The following SCAF8 variants were observed in gnomAD, a reference collection of about 807,000 sequenced individuals.
The protein encoded by SCAF8 is SR-related and CTD-associated factor 8.
SCAF8 carries 23 observed loss-of-function variants against 140.5 expected under a neutral mutation model. The observed-to-expected ratio is 0.16, with a 90% CI of 0.12 to 0.23. The LOEUF is 0.23. Among genes scored for constraint, SCAF8 ranks in the 10% least tolerant of loss-of-function variants. SCAF8 has a pLI of 1.00. For synonymous variants in SCAF8, 575 were observed against 528.9 expected, an observed-to-expected ratio of 1.09 and a Z score of -1.20; for missense variants, 1,397 against 1,555.7, an observed-to-expected ratio of 0.90 and a Z score of 1.72.
intron 4 of SCAF8, among the ~76,000 whole-genome samples, chr6:154,788,738 G>A (rs993094757): frequency 6.6e-6 from 1 of 152,122 alleles, no homozygotes; most frequent in Non-Finnish European, 1.5e-5. Context: ...ACTAAGTCTG[G>A]TATGTGTAAG....
chr6:154,757,876 A>G (rs1185649489), intron 1 of SCAF8, among the ~76,000 whole-genome samples: 1 of 150,472 alleles, frequency 6.6e-6, no homozygotes, highest in African/African-American at 2.4e-5. Flanking sequence ...CGAGCAGTGG[A>G]CAGATTCCCT....
intron 1 of SCAF8, among the ~76,000 whole-genome samples, chr6:154,763,789 G>A (rs1162365256): frequency 6.6e-6 from 1 of 151,974 alleles, no homozygotes; most frequent in Admixed American, 6.6e-5. Context: ...GAATGTTGCC[G>A]AATCCAGGGG....
At chr6:154,776,348 A>G (rs986298309) in intron 2 of SCAF8, among the ~76,000 whole-genome samples, 4 of 151,954 alleles carry the variant, frequency 2.6e-5, no homozygotes, top group Non-Finnish European at 2.9e-5. Flanking sequence ...AATCAGATTT[A>G]AATGATACTG....
rs1777977084 is a variant in SCAF8, at chr6:154,808,155, T to C, written c.1067T>C (p.Leu356Pro). The C allele has an allele frequency of 6.2e-7, 1 of 1,614,014 alleles. No individual in the cohort carries two copies. The highest frequency in any genetic ancestry group is 2.2e-5 in the East Asian group (1 of 44,870). ...PSQGSSQQHF[L>P]EPEVNLDDSI... ...CAAGGGAGTAGTCAGCAGCATTTTC[T>C]TGAACCTGAAGTCAATTTGGATGAT... Residue 356 changes from leucine to proline, a missense_variant, in exon 10 of 20, where the codon CTT (leucine) becomes CCT (proline). Leu to Pro is a moderately conservative substitution (Grantham distance 98, BLOSUM62 -3). Transcript: ENST00000367178.
In SCAF8 at chr6:154,733,675, C is replaced by T. The variant is rs1183525530; in HGVS notation, c.-226C>T. 8.6e-7 allele frequency: 1 copy of T among 1,161,476 alleles called. No homozygotes were observed. Among genetic ancestry groups the T allele is most frequent in the East Asian group, 4.9e-5 (1 of 20,254 alleles). 71.9% of individuals were successfully genotyped at this position (1,161,476 alleles called of 1,614,324 possible). A position where few individuals can be genotyped will look rare whatever the true frequency, so the allele number is the denominator to read the frequency against. ...CCGGCAGCGCCTCTGTTCCCTAGAA[C>T]GGCGCTCCCCCCGCCCTAGCGGCCA... On this transcript the variant is annotated 5_prime_UTR_variant, in exon 1 of 20. In the 5' UTR this introduces an upstream ATG that the reference lacks. Coordinates refer to ENST00000367178, the MANE Select transcript of SCAF8 (RefSeq NM_014892.5).
chr6:154,760,771 C>T (rs1349865275), intron 1 of SCAF8, among the ~76,000 whole-genome samples: 2 of 151,820 alleles, frequency 1.3e-5, no homozygotes, highest in African/African-American at 4.8e-5. Flanking sequence ...CAAAAAAGTT[C>T]TAAGAATTTT....
At chr6:154,734,979 C>T (rs1367512029) in intron 1 of SCAF8, among the ~76,000 whole-genome samples, 1 of 152,006 alleles carries the variant, frequency 6.6e-6, no homozygotes, top group Non-Finnish European at 1.5e-5. Context: ...AAAAAATTAG[C>T]TGGGCGTAGT....
At chr6:154,734,051 C>T (rs550699995) in intron 1 of SCAF8, 121 bp downstream of exon 1, 30 of 1,357,012 alleles carry the variant, frequency 2.2e-5, no homozygotes, top group Admixed American at 3.6e-5. Context: ...GAGCGGTGGC[C>T]TAGCAGTGCC....
chr6:154,748,539 T>G (rs1030545127), intron 1 of SCAF8, among the ~76,000 whole-genome samples: 2 of 152,212 alleles, frequency 1.3e-5, no homozygotes, highest in African/African-American at 4.8e-5. Flanking sequence ...CTTTTTTTTT[T>G]GCTGAAATGA....
At chr6:154,788,515 C>T (rs1777320140) in intron 4 of SCAF8, among the ~76,000 whole-genome samples, 1 of 152,118 alleles carries the variant, frequency 6.6e-6, no homozygotes, top group Non-Finnish European at 1.5e-5. Flanking sequence ...TTGAATTTCT[C>T]AAACAGAGAG....
chr6:154,830,195 T>C (rs1442444925), intron 18 of SCAF8, among the ~76,000 whole-genome samples: 1 of 152,234 alleles, frequency 6.6e-6, no homozygotes, highest in African/African-American at 2.4e-5. Flanking sequence ...CACAGGTGTT[T>C]TTATTTTTGT....
At chr6:154,761,379 G>A (rs183351724) in intron 1 of SCAF8, among the ~76,000 whole-genome samples, 2 of 151,906 alleles carry the variant, frequency 1.3e-5, no homozygotes, top group East Asian at 1.9e-4. Flanking sequence ...CCAGCGGCTC[G>A]GGAGGCTGAG....
chr6:154,800,255 G>T (rs949711660), intron 6 of SCAF8, among the ~76,000 whole-genome samples: 1 of 151,580 alleles, frequency 6.6e-6, no homozygotes. Flanking sequence ...ACTAGGGCAA[G>T]AATTTTTTGT....
chr6:154,756,233 G>A (rs1033354410), intron 1 of SCAF8, among the ~76,000 whole-genome samples: 8 of 152,128 alleles, frequency 5.3e-5, no homozygotes, highest in South Asian at 2.1e-4. Flanking sequence ...AAGATGCTCC[G>A]TCACCAATAG....
intron 7 of SCAF8, 122 bp from the exon 8 acceptor site, chr6:154,803,422 A>G: frequency 4.2e-6 from 3 of 710,390 alleles, no homozygotes; most frequent in African/African-American, 1.8e-5. Flanking sequence ...GTGATACAAA[A>G]TGTTTATTTA....
In SCAF8 at chr6:154,733,849, C is replaced by G; in HGVS notation, c.-52C>G. On this transcript the variant is annotated 5_prime_UTR_variant, in exon 1 of 20. Coordinates refer to ENST00000367178, the MANE Select transcript of SCAF8 (RefSeq NM_014892.5). ...CGCGTCTCGCTCTCCCCACCCAGTGCAGTGGCCGCCGCCTCTTCCGCCGCC... is the reference window on the plus strand; with the variant it reads ...CGCGTCTCGCTCTCCCCACCCAGTGGAGTGGCCGCCGCCTCTTCCGCCGCC... 3 of 1,541,580 alleles carry G rather than the reference C, an allele frequency of 1.9e-6. No individual in the cohort carries two copies. Among genetic ancestry groups the G allele is most frequent in the Non-Finnish European group, 2.6e-6 (3 of 1,149,488 alleles).
At chr6:154,796,389 C>CTCTCTCTCTCTCTCTCTCTCTCTG (rs376622207) in intron 6 of SCAF8, among the ~76,000 whole-genome samples, 10 of 141,056 alleles carry the variant, frequency 7.1e-5, no homozygotes, top group Admixed American at 2.1e-4. Context: ...CTCTCTCTCT[C>CTCTCTCTCTCTCTCTCTCTCTCTG]TCTGTCTCTC....
intron 4 of SCAF8, among the ~76,000 whole-genome samples, chr6:154,790,385 G>A (rs1456471305): frequency 1.3e-5 from 2 of 148,484 alleles, no homozygotes; most frequent in Non-Finnish European, 3.0e-5. Context: ...TTTGGACATA[G>A]TTTAAAAATA....
At position 154,818,135 on chromosome 6, in the gene SCAF8, T is replaced by A. The variant is rs950196007; in HGVS notation, c.1522-344T>A. ...GCCATATAATACTACTTTCCTTTTA[T>A]CTGGTGGTATTATGTATACGAAGTT... On this transcript the variant is annotated intron_variant, in intron 13 of 19. Coordinates refer to ENST00000367178, the MANE Select transcript of SCAF8 (RefSeq NM_014892.5). 1.3e-5 allele frequency among the ~76,000 whole-genome samples: 2 copies of A among 152,346 alleles called. 1 individual carries two copies. The highest frequency in any genetic ancestry group is 4.1e-4 in the South Asian group (2 of 4,826).
Sources: allele counts gnomAD v4.1 joint callset (sites outside exome capture counted in the v4.1 genomes callset), GRCh38; gene constraint gnomAD v4.1.1; transcripts MANE v1.5; gene names NCBI Gene and HGNC (gene_info 2026-07-23, HGNC 2026-07-21).